Variants in REC114 observed in about 807,000 individuals in gnomAD.
The protein encoded by REC114 is REC114 meiotic recombination protein.
A neutral mutation model predicts 31.3 loss-of-function variants in REC114; 27 were observed. The ratio of observed to expected loss-of-function variants is 0.86; its 90% CI spans 0.64 to 1.19. REC114 has a LOEUF of 1.19. Among genes scored for constraint, REC114 ranks in the 50% most tolerant of loss-of-function variants. The pLI, the probability that REC114 is intolerant of heterozygous loss-of-function variation, is 0.00. For synonymous variants in REC114, 134 were observed against 127.7 expected, an observed-to-expected ratio of 1.05 and a Z score of -0.33; for missense variants, 344 against 326.9, an observed-to-expected ratio of 1.05 and a Z score of -0.40.
intron 2 of REC114, among the ~76,000 whole-genome samples, chr15:73,516,579 C>G (rs1026918236): frequency 2.0e-5 from 3 of 152,112 alleles, no homozygotes; most frequent in Non-Finnish European, 2.9e-5. Context: ...ATGCGGTACT[C>G]CATGCTATGA....
chr15:73,470,011 G>T (rs1893112585), intron 1 of REC114, among the ~76,000 whole-genome samples: 1 of 151,942 alleles, frequency 6.6e-6, no homozygotes, highest in Non-Finnish European at 1.5e-5. Flanking sequence ...TAACCTGTTT[G>T]TTTTTATATT....
chr15:73,530,020 A>G (rs931436398), intron 2 of REC114, among the ~76,000 whole-genome samples: 2 of 152,212 alleles, frequency 1.3e-5, no homozygotes, highest in Non-Finnish European at 2.9e-5. Flanking sequence ...CTCCTTCCAA[A>G]TAGCCTATAG....
At chr15:73,546,339 C>CA (rs541839381) in intron 3 of REC114, among the ~76,000 whole-genome samples, 26 of 152,092 alleles carry the variant, frequency 1.7e-4, no homozygotes, top group African/African-American at 6.3e-4. Context: ...ATGAATTACA[C>CA]ACATCCTTTG....
intron 1 of REC114, among the ~76,000 whole-genome samples, chr15:73,447,844 G>A (rs763620336): frequency 5.9e-5 from 9 of 152,168 alleles, no homozygotes; most frequent in Admixed American, 3.3e-4. Flanking sequence ...CATGGGGGGT[G>A]AGCCGAAGCA....
intron 3 of REC114, 106 bp downstream of exon 3, chr15:73,540,674 A>G: frequency 1.0e-6 from 1 of 968,724 alleles, no homozygotes; most frequent in Non-Finnish European, 1.7e-6. Context: ...GGAAGAATAC[A>G]AATGTTTAAG....
intron 2 of REC114, among the ~76,000 whole-genome samples, chr15:73,516,300 A>G (rs534931409): frequency 2.3e-4 from 35 of 152,192 alleles, no homozygotes; most frequent in Middle Eastern, 3.4e-3. Context: ...GCTTTTAACT[A>G]TTAATAAAAT....
intron 3 of REC114, among the ~76,000 whole-genome samples, chr15:73,548,689 G>A (rs918280394): frequency 5.9e-5 from 9 of 152,062 alleles, no homozygotes; most frequent in Non-Finnish European, 1.3e-4. Flanking sequence ...CCCGTTACTT[G>A]GTATATAATC....
chr15:73,546,536 A>G (rs1894310636), intron 3 of REC114, among the ~76,000 whole-genome samples: 1 of 152,056 alleles, frequency 6.6e-6, no homozygotes, highest in Non-Finnish European at 1.5e-5. Context: ...CTATTTTTAT[A>G]TATTTGATGT....
chr15:73,451,208 A>G (rs981289625), intron 1 of REC114, among the ~76,000 whole-genome samples: 3 of 152,318 alleles, frequency 2.0e-5, no homozygotes, highest in Non-Finnish European at 4.4e-5. Flanking sequence ...TGGTTTTTTG[A>G]AAAGATCAAC....
At chr15:73,557,901 A>G (rs1894494480) in intron 5 of REC114, among the ~76,000 whole-genome samples, 1 of 152,240 alleles carries the variant, frequency 6.6e-6, no homozygotes. Context: ...CAAATTTAAT[A>G]TTATGTTAGC....
intron 2 of REC114, among the ~76,000 whole-genome samples, chr15:73,511,655 G>GT (rs1355404239): frequency 1.4e-5 from 2 of 138,868 alleles, no homozygotes; most frequent in Non-Finnish European, 3.2e-5. Context: ...CTTTGTTCTC[G>GT]TTGGTTTCAA....
intron 3 of REC114, among the ~76,000 whole-genome samples, chr15:73,540,806 G>T (rs1197852196): frequency 1.3e-5 from 2 of 152,184 alleles, no homozygotes; most frequent in Non-Finnish European, 2.9e-5. Context: ...GTCTGATGGA[G>T]CTGTGCAGCC....
chr15:73,506,443 G>A (rs955995111), intron 2 of REC114, among the ~76,000 whole-genome samples: 1 of 152,182 alleles, frequency 6.6e-6, no homozygotes, highest in Non-Finnish European at 1.5e-5. Context: ...TCTAAAAATT[G>A]AAAGTTTAAA....
chr15:73,550,151 A>C (rs1275551384), intron 3 of REC114, among the ~76,000 whole-genome samples: 2 of 152,198 alleles, frequency 1.3e-5, no homozygotes, highest in Non-Finnish European at 2.9e-5. Flanking sequence ...TGACTCCTCT[A>C]AACTAGGCAG....
chr15:73,471,463 G>T (rs1307441773), intron 1 of REC114, among the ~76,000 whole-genome samples: 1 of 152,158 alleles, frequency 6.6e-6, no homozygotes, highest in Non-Finnish European at 1.5e-5. Flanking sequence ...CAACAGCCTA[G>T]CACAGGGTAG....
intron 2 of REC114, among the ~76,000 whole-genome samples, chr15:73,507,157 C>T (rs1893690499): frequency 6.6e-6 from 1 of 151,892 alleles, no homozygotes; most frequent in Admixed American, 6.6e-5. Flanking sequence ...AAATTATAAC[C>T]CAATTAAAAA....
Position 73,556,365 on chromosome 15 carries a change from A to G in REC114, c.610A>G (p.Arg204Gly). ...AGCGGGCACAGGCGCTCCAGACGGA[A>G]GGACCTCACTGACGCAGTTAGCTCA... is the stretch of plus-strand genomic sequence containing the variant. ...VTAGTGAPDGRTSLTQLAQTL... is the reference protein window; with the variant it reads ...VTAGTGAPDGGTSLTQLAQTL... The change falls in exon 5 of 6, where the codon AGG becomes GGG. Residue 204 changes from arginine to glycine, a missense_variant. Physicochemically the swap from Arg to Gly is moderately radical, Grantham distance 125 (BLOSUM62 -2). Transcript: ENST00000331090. 1 of 1,613,802 alleles carries G rather than the reference A, an allele frequency of 6.2e-7. No homozygotes were observed. The highest frequency in any genetic ancestry group is 8.5e-7 in the Non-Finnish European group (1 of 1,179,782).
chr15:73,449,625 A>G (rs1261802812), intron 1 of REC114, among the ~76,000 whole-genome samples: 2 of 152,208 alleles, frequency 1.3e-5, no homozygotes, highest in African/African-American at 4.8e-5. Context: ...GCCAACATTC[A>G]AATTCAGGAA....
intron 2 of REC114, among the ~76,000 whole-genome samples, chr15:73,535,196 A>G (rs1160020817): frequency 8.1e-5 from 12 of 148,572 alleles, no homozygotes; most frequent in Non-Finnish European, 1.6e-4. Context: ...TAGTCAGGAG[A>G]AGGAAATAAA....
Sources: gnomAD v4.1 joint callset for allele counts (sites outside exome capture counted in the v4.1 genomes callset) on GRCh38, gnomAD v4.1.1 for gene constraint, MANE v1.5 for transcripts, NCBI Gene and HGNC (gene_info 2026-07-23, HGNC 2026-07-21) for gene names.